The following PLEKHA5 variants were observed in gnomAD, a reference collection of about 807,000 sequenced individuals.
The protein encoded by PLEKHA5 is pleckstrin homology domain containing A5, also known as pleckstrin homology domain-containing family A member 5.
Under a neutral mutation model 181.9 loss-of-function variants are expected in PLEKHA5, and 55 were observed. The observed-to-expected ratio is 0.30, with a 90% CI of 0.24 to 0.38. The LOEUF is 0.38. PLEKHA5 is among the 10% of genes least tolerant of loss of function. The pLI is 1.00. For missense variants in PLEKHA5, 1,432 were observed against 1,549.5 expected (o/e 0.92, Z 1.27); for synonymous variants, 535 against 529.4 (o/e 1.01, Z -0.15).
At chr12:19,339,447 A>G (rs548568787) in intron 21 of PLEKHA5, among the ~76,000 whole-genome samples, 2 of 152,326 alleles carry the variant, frequency 1.3e-5, no homozygotes, top group Admixed American at 6.5e-5. Flanking sequence ...GCCAAAAAAT[A>G]TATTTATTAT....
chr12:19,306,966 ACTTACTC>A, intron 15 of PLEKHA5: 1 of 1,314,628 alleles, frequency 7.6e-7, no homozygotes, highest in Non-Finnish European at 1.1e-6. Context: ...CTCCTAACCC[ACTTACTC>A]AGACTGGCGC....
intron 11 of PLEKHA5, among the ~76,000 whole-genome samples, chr12:19,282,048 C>T (rs1240847947): frequency 6.6e-6 from 1 of 152,186 alleles, no homozygotes; most frequent in Admixed American, 6.5e-5. Flanking sequence ...TCCCAAAGTG[C>T]TGGGATTACA....
chr12:19,346,682 A>G (rs1020054502), intron 23 of PLEKHA5, among the ~76,000 whole-genome samples: 2 of 152,212 alleles, frequency 1.3e-5, no homozygotes, highest in Admixed American at 1.3e-4. Context: ...TTTTAAAATC[A>G]GTTCTTTCCT....
chr12:19,348,874 A>G (rs985463541), intron 25 of PLEKHA5, among the ~76,000 whole-genome samples: 4 of 152,130 alleles, frequency 2.6e-5, no homozygotes, highest in African/African-American at 9.7e-5. Flanking sequence ...AGGCAGGAGA[A>G]TCACTGGAAC....
intron 3 of PLEKHA5, among the ~76,000 whole-genome samples, chr12:19,228,454 C>T (rs974596923): frequency 1.3e-4 from 20 of 152,124 alleles, no homozygotes; most frequent in African/African-American, 3.4e-4. Flanking sequence ...TTCTGATCTA[C>T]ATGTCTTTTA....
chr12:19,231,597 C>T (rs1172817874), intron 3 of PLEKHA5, among the ~76,000 whole-genome samples: 14 of 29,984 alleles, frequency 4.7e-4, no homozygotes, highest in African/African-American at 7.6e-4. Flanking sequence ...TATATATGTA[C>T]ACATATATAT....
chr12:19,219,464 G>T (rs999050490), intron 3 of PLEKHA5, among the ~76,000 whole-genome samples: 7 of 149,898 alleles, frequency 4.7e-5, no homozygotes, highest in African/African-American at 1.7e-4. Flanking sequence ...AATTATAAAA[G>T]ATTTGTGAAT....
chr12:19,202,351 C>T (rs1388695), intron 3 of PLEKHA5, among the ~76,000 whole-genome samples: 127,123 of 151,976 alleles, frequency 0.84, 54,673 homozygotes, highest in Non-Finnish European at 0.95. Flanking sequence ...TGAGACATTC[C>T]GTAAGTGCTA....
At chr12:19,369,286 C>T (rs556295433) in intron 30 of PLEKHA5, among the ~76,000 whole-genome samples, 4 of 151,266 alleles carry the variant, frequency 2.6e-5, no homozygotes, top group South Asian at 2.1e-4. Flanking sequence ...CCGCCTGCCT[C>T]GGCCTCCCAA....
intron 3 of PLEKHA5, among the ~76,000 whole-genome samples, chr12:19,213,444 G>C (rs1437218947): frequency 6.6e-6 from 1 of 152,140 alleles, no homozygotes; most frequent in Non-Finnish European, 1.5e-5. Context: ...GAGGTGCTTG[G>C]GGGCAGGGAG....
intron 7 of PLEKHA5, among the ~76,000 whole-genome samples, chr12:19,262,846 C>T (rs902760555): frequency 2.0e-5 from 3 of 152,082 alleles, no homozygotes; most frequent in Non-Finnish European, 4.4e-5. Context: ...GTAACAAATC[C>T]ACATGTGTAC....
At chr12:19,285,424 T>A (rs76422891) in intron 12 of PLEKHA5, among the ~76,000 whole-genome samples, 1 of 152,348 alleles carries the variant, frequency 6.6e-6, no homozygotes, top group East Asian at 1.9e-4. Context: ...TCTCCAAAAT[T>A]GCCAAATTTT....
chr12:19,227,196 G>A (rs1017258422), intron 3 of PLEKHA5, among the ~76,000 whole-genome samples: 1 of 151,772 alleles, frequency 6.6e-6, no homozygotes, highest in Non-Finnish European at 1.5e-5. Flanking sequence ...GAATGTGATA[G>A]ACCATTCTTG....
intron 3 of PLEKHA5, among the ~76,000 whole-genome samples, chr12:19,228,348 T>C (rs541022533): frequency 6.6e-6 from 1 of 152,340 alleles, no homozygotes; most frequent in South Asian, 2.1e-4. Flanking sequence ...TACCCCAATA[T>C]ATTTGCATCA....
At chr12:19,218,893 AATT>A (rs200701028) in intron 3 of PLEKHA5, among the ~76,000 whole-genome samples, 8 of 95,304 alleles carry the variant, frequency 8.4e-5, no homozygotes, top group Admixed American at 2.7e-4. Context: ...GGCCACAAAT[AATT>A]ATTATTATTA....
chr12:19,363,023 C>T (rs544634614), intron 29 of PLEKHA5, among the ~76,000 whole-genome samples: 135 of 152,068 alleles, frequency 8.9e-4, no homozygotes, highest in African/African-American at 3.1e-3. Flanking sequence ...TCAGTCTTCC[C>T]AGGTAATGAT....
At chr12:19,315,470 A>C (rs559879206) in intron 16 of PLEKHA5, among the ~76,000 whole-genome samples, 18 of 152,164 alleles carry the variant, frequency 1.2e-4, no homozygotes, top group African/African-American at 4.3e-4. Flanking sequence ...AAGTTACCCT[A>C]TTGTTTTTCC....
Position 19,257,500 on chromosome 12 carries a change from A to G in PLEKHA5, c.500A>G (p.Asn167Ser). Reference sequence around the variant, plus strand: ...TCAAATTCAATTAAAAGGAATCCTAATGCACCGGTTGTCAGACGAGGTTGG... The same window carrying G: ...TCAAATTCAATTAAAAGGAATCCTAGTGCACCGGTTGTCAGACGAGGTTGG... ...KRSNSIKRNP[N>S]APVVRRGWLY... Residue 167 changes from asparagine (N) to serine (S), a missense_variant, in exon 6 of 32, where the codon AAT (asparagine) becomes AGT (serine). Transcript: ENST00000429027. The G allele has an allele frequency of 3.1e-6, 5 of 1,606,412 alleles. No homozygotes were observed. Among genetic ancestry groups the G allele is most frequent in the Non-Finnish European group, 4.3e-6 (5 of 1,175,850 alleles).
intron 25 of PLEKHA5, among the ~76,000 whole-genome samples, chr12:19,351,851 A>G (rs375396293): frequency 1.4e-3 from 213 of 152,272 alleles, no homozygotes; most frequent in Middle Eastern, 3.4e-3. Flanking sequence ...AGACAGGCAG[A>G]TCACCTGAGG....
Sources: gnomAD v4.1 joint callset for allele counts (sites outside exome capture counted in the v4.1 genomes callset) on GRCh38, gnomAD v4.1.1 for gene constraint, MANE v1.5 for transcripts, NCBI Gene and HGNC (gene_info 2026-07-23, HGNC 2026-07-21) for gene names.